The following SHC2 variants were observed in gnomAD, a reference collection of about 807,000 sequenced individuals.
SHC2 encodes SHC-transforming protein 2.
In SHC2, 62 loss-of-function variants were observed where a neutral mutation model predicts 60.6. The ratio of observed to expected loss-of-function variants is 1.02; its 90% CI spans 0.83 to 1.26. The LOEUF is 1.26. Ranked by LOEUF, SHC2 falls within the 50% of genes most tolerant of loss-of-function variation. The probability of loss-of-function intolerance (pLI) is 0.00; values close to 1 mark genes in which losing one functional copy is unlikely to be tolerated. For missense variants in SHC2, 873 were observed against 822.2 expected, an observed-to-expected ratio of 1.06 and a Z score of -0.76; for synonymous variants, 375 against 372.4, an observed-to-expected ratio of 1.01 and a Z score of -0.08.
chr19:418,029 C>T (rs1568278717), intron 12 of SHC2, among the ~76,000 whole-genome samples: 2 of 152,114 alleles, frequency 1.3e-5, no homozygotes, highest in African/African-American at 2.4e-5. Context: ...CCCACAGCTG[C>T]ACCCTCTCCT....
In SHC2 at chr19:425,889, C is replaced by T. The variant is rs929161786; in HGVS notation, c.1175-658G>A. 1.3e-5 allele frequency among the ~76,000 whole-genome samples: 2 copies of T among 152,014 alleles called. No homozygotes were observed. The highest frequency in any genetic ancestry group is 4.8e-5 in the African/African-American group (2 of 41,402). ...ACTAAAAATGCAAAAATTAGCTAGG[C>T]GTGGTGGTGGGCGCCTGCAATCCCA... On this transcript the variant is annotated intron_variant, in intron 9 of 12. Coordinates refer to ENST00000264554, the MANE Select transcript of SHC2 (RefSeq NM_012435.3). The surrounding 1 kb of genome is among the most constrained non-coding windows in gnomAD (Gnocchi z 4.1).
At chr19:447,671 G>C (rs1040644967) in intron 1 of SHC2, among the ~76,000 whole-genome samples, 5 of 152,114 alleles carry the variant, frequency 3.3e-5, no homozygotes, top group African/African-American at 1.2e-4. Context: ...CCAGCTACTC[G>C]GGAGGCTGAG....
At chr19:455,632 A>G (rs188896000) in intron 1 of SHC2, among the ~76,000 whole-genome samples, 26 of 152,300 alleles carry the variant, frequency 1.7e-4, no homozygotes, top group Admixed American at 1.7e-3. Flanking sequence ...TGCTATCACC[A>G]ATCACCACAA....
rs1300177376 is a variant in SHC2 at position 436,620 on chromosome 19, C to A, written c.774+10G>T. The A allele has an allele frequency of 1.2e-6, 2 of 1,603,390 alleles. No individual in the cohort carries two copies. Among genetic ancestry groups the A allele is most frequent in the Admixed American group, 1.7e-5 (1 of 59,034 alleles). ...CAGGGCTGCAGGTCCACCCCCATCC[C>A]TGGCCTCACCGTGTCTCCGCCTGAC... On this transcript the variant is annotated intron_variant, in intron 5 of 12. Coordinates refer to ENST00000264554, the MANE Select transcript of SHC2 (RefSeq NM_012435.3).
rs927486951 is a variant in SHC2 at position 453,937 on chromosome 19, C to A, written c.468+6592G>T. Among the ~76,000 whole-genome samples the A allele has an allele frequency of 2.0e-5, 3 of 152,212 alleles. No individual in the cohort carries two copies. Among genetic ancestry groups the A allele is most frequent in the African/African-American group, 7.2e-5 (3 of 41,464 alleles). On this transcript the variant is annotated intron_variant, in intron 1 of 12. Coordinates refer to ENST00000264554, the MANE Select transcript of SHC2 (RefSeq NM_012435.3). The surrounding 1 kb of genome is among the most constrained non-coding windows in gnomAD (Gnocchi z 6.3). ...GACTTCTGTGTATGGACGAGCCCAG[C>A]GCCAAAATGGTACGTGTGGGAGAAC...
intron 1 of SHC2, among the ~76,000 whole-genome samples, chr19:444,342 G>A (rs1201670306): frequency 6.6e-6 from 1 of 152,126 alleles, no homozygotes; most frequent in African/African-American, 2.4e-5. Context: ...CTTCTCTCAG[G>A]CAGAGCATGT....
At position 441,297 on chromosome 19, in the gene SHC2, T is replaced by A; in HGVS notation, c.469-365A>T. 2.9e-6 allele frequency: 1 copy of A among 348,924 alleles called. No homozygotes were observed. Among genetic ancestry groups the A allele is most frequent in the Non-Finnish European group, 4.0e-6 (1 of 249,600 alleles). 21.6% of individuals were successfully genotyped at this position (348,924 alleles called of 1,614,324 possible). A position where few individuals can be genotyped will look rare whatever the true frequency, so the allele number is the denominator to read the frequency against. On this transcript the variant is annotated intron_variant, in intron 1 of 12. Transcript: ENST00000264554. The surrounding 1 kb of genome is among the most constrained non-coding windows in gnomAD (Gnocchi z 4.9). ...TGGTGCGATCCTGAGCACTTCCCTA[T>A]CTCCAGCGCCCAGTTCAGGGTCTGG...
chr19:447,460 T>G (rs1282852634), intron 1 of SHC2, among the ~76,000 whole-genome samples: 1 of 152,214 alleles, frequency 6.6e-6, no homozygotes, highest in Non-Finnish European at 1.5e-5. Context: ...GATTAGGGTA[T>G]GCGAATTATA....
chr19:443,150 A>G (rs1974948866), intron 1 of SHC2, among the ~76,000 whole-genome samples: 1 of 133,548 alleles, frequency 7.5e-6, no homozygotes, highest in African/African-American at 2.9e-5. Context: ...GGGTGGGTGG[A>G]TGAATGGATG....
chr19:435,185 C>T (rs1974687943), intron 7 of SHC2, among the ~76,000 whole-genome samples: 1 of 152,248 alleles, frequency 6.6e-6, no homozygotes, highest in South Asian at 2.1e-4. Context: ...ATACCCAGAA[C>T]CAGGACATCA....
chr19:417,461 G>A (rs1974178636), intron 12 of SHC2, 139 bp from the exon 13 acceptor site: 2 of 152,520 alleles, frequency 1.3e-5, no homozygotes, highest in South Asian at 4.1e-4. Context: ...AGCTCCTCAG[G>A]TCGCATGGCT....
chr19:460,563 C>T lies in SHC2; in HGVS notation c.434G>A (p.Arg145Lys), dbSNP rs1373901153. Reference protein sequence around the residue: ...PAHGWLHPDARVLGPGVSYVV... With the variant: ...PAHGWLHPDAKVLGPGVSYVV... ...GTAGGAGACCCCGGGCCCCAGGACC[C>T]TGGCGTCGGGGTGTAGCCAGCCGTG... Residue 145 changes from arginine to lysine, a missense_variant, in exon 1 of 13, where the codon AGG becomes AAG. Physicochemically the swap from Arg to Lys is conservative, Grantham distance 26. Coordinates refer to ENST00000264554, the MANE Select transcript of SHC2 (RefSeq NM_012435.3). 2.8e-6 allele frequency: 4 copies of T among 1,417,240 alleles called. No homozygotes were observed. The highest frequency in any genetic ancestry group is 1.5e-5 in the African/African-American group (1 of 67,136). 87.8% of individuals were successfully genotyped at this position (1,417,240 alleles called of 1,614,324 possible).
Position 419,204 on chromosome 19 carries a change from A to C in SHC2, c.1621-148T>G, listed in dbSNP as rs10407693. On this transcript the variant is annotated intron_variant, in intron 11 of 12. Coordinates refer to ENST00000264554, the MANE Select transcript of SHC2 (RefSeq NM_012435.3). Reference sequence around the variant, plus strand: ...CCAGGGAATTCCGGGACACCAGCCAAAGGATCGGCCTCAGAATTCCAGAAC... The same window carrying C: ...CCAGGGAATTCCGGGACACCAGCCACAGGATCGGCCTCAGAATTCCAGAAC... 4.8e-3 allele frequency: 4,419 copies of C among 925,100 alleles called. 129 individuals are homozygous for C. In the African/African-American group the frequency reaches 0.066, roughly 14 times the overall value. The allele number at this position is 925,100 out of a possible 1,614,324, so 57.3% of individuals were successfully genotyped here. A position where few individuals can be genotyped will look rare whatever the true frequency, so the allele number is the denominator to read the frequency against.
intron 2 of SHC2, chr19:439,298 G>A: frequency 1.9e-6 from 1 of 536,012 alleles, no homozygotes; most frequent in Non-Finnish European, 3.3e-6. Context: ...GTGCGTCCTT[G>A]CATCCGGCAG....
At chr19:439,757 G>A (rs560261342) in intron 2 of SHC2, among the ~76,000 whole-genome samples, 16 of 152,138 alleles carry the variant, frequency 1.1e-4, no homozygotes, top group South Asian at 4.2e-4. Context: ...CAGGCGCGGC[G>A]GCCCCCACCT....
intron 1 of SHC2, among the ~76,000 whole-genome samples, chr19:442,982 GATGGATGC>G (rs1974941117): frequency 1.9e-5 from 2 of 105,490 alleles, no homozygotes; most frequent in African/African-American, 3.8e-5. Flanking sequence ...TGGGTGGATG[GATGGATGC>G]ATGGGTGGGT....
intron 1 of SHC2, among the ~76,000 whole-genome samples, chr19:454,443 G>A (rs536895766): frequency 4.4e-4 from 67 of 152,260 alleles, no homozygotes; most frequent in Admixed American, 1.6e-3. Flanking sequence ...CCGGGAAGGC[G>A]GTCGGTCTCC....
intron 11 of SHC2, among the ~76,000 whole-genome samples, chr19:420,685 A>G (rs1025060880): frequency 1.3e-5 from 2 of 152,226 alleles, no homozygotes; most frequent in African/African-American, 4.8e-5. Context: ...CAAATATGCA[A>G]TTGATGGTTT....
chr19:428,706 C>G (rs902707881), intron 9 of SHC2, among the ~76,000 whole-genome samples: 3 of 152,180 alleles, frequency 2.0e-5, no homozygotes, highest in Non-Finnish European at 2.9e-5. Context: ...CATTGAACGG[C>G]TTTTTAAACT....
Sources: allele counts gnomAD v4.1 joint callset (sites outside exome capture counted in the v4.1 genomes callset), GRCh38; gene constraint gnomAD v4.1.1; non-coding constraint Gnocchi (gnomAD v3.1); transcripts MANE v1.5; gene names NCBI Gene and HGNC (gene_info 2026-07-23, HGNC 2026-07-21).